VAC14: variants seen among roughly 807,000 people sequenced by gnomAD.
The protein encoded by VAC14 is VAC14 component of PIKFYVE complex.
A neutral mutation model predicts 85.3 loss-of-function variants in VAC14; 47 were observed. The ratio of observed to expected loss-of-function variants is 0.55; its 90% CI spans 0.44 to 0.70. The LOEUF is 0.70. Among genes scored for constraint, VAC14 ranks in the 30% least tolerant of loss-of-function variants. VAC14 has a pLI of 0.00. For missense variants in VAC14, 861 were observed against 1,004.3 expected, an observed-to-expected ratio of 0.86 and a Z score of 1.93; for synonymous variants, 447 against 430.5, an observed-to-expected ratio of 1.04 and a Z score of -0.47.
chr16:70,735,785 G>A (rs2054731848), intron 13 of VAC14, among the ~76,000 whole-genome samples: 1 of 152,266 alleles, frequency 6.6e-6, no homozygotes, highest in African/African-American at 2.4e-5. Flanking sequence ...ACTGCATTGT[G>A]CTGGGTCCCT....
chr16:70,766,550 G>T (rs1190325336), intron 10 of VAC14: 1 of 456,744 alleles, frequency 2.2e-6, no homozygotes, highest in Non-Finnish European at 4.4e-6. Context: ...GGAACCTCAT[G>T]GTTCAGGTAA....
At chr16:70,745,852 G>C (rs2030840953) in intron 12 of VAC14, among the ~76,000 whole-genome samples, 1 of 152,202 alleles carries the variant, frequency 6.6e-6, no homozygotes, top group East Asian at 1.9e-4. Flanking sequence ...ACCAGGGAAA[G>C]TGGGACAGAG....
chr16:70,783,947 G>A lies in VAC14; in HGVS notation c.594+166C>T, dbSNP rs562863503. Among the ~76,000 whole-genome samples, 256 of 152,340 alleles carry A rather than the reference G, an allele frequency of 1.7e-3. 2 individuals carry two copies. Among genetic ancestry groups the A allele is most frequent in the African/African-American group, 6.0e-3 (248 of 41,574 alleles). ...GATCCCTTCAGGGCCAACATGGTGG[G>A]TTTCGGGGGCAAAGCTGAATAAGGT... is the stretch of plus-strand genomic sequence containing the variant. On this transcript the variant is annotated intron_variant, in intron 5 of 18. Transcript: ENST00000261776.
chr16:70,761,311 A>G (rs1391554377), intron 12 of VAC14: 2 of 297,262 alleles, frequency 6.7e-6, no homozygotes, highest in Non-Finnish European at 1.3e-5. Context: ...CACTCTCTGC[A>G]GTGTGGGCAG....
intron 16 of VAC14, 22 bp downstream of exon 16, chr16:70,697,117 A>G: frequency 6.2e-7 from 1 of 1,600,924 alleles, no homozygotes; most frequent in Non-Finnish European, 8.6e-7. Context: ...CTCAACCCCA[A>G]CCACAGTGAG....
At position 70,717,413 on chromosome 16, in the gene VAC14, C is replaced by T. The variant is rs118069699; in HGVS notation, c.1661+14082G>A. Among the ~76,000 whole-genome samples, 43 of 152,334 alleles carry T rather than the reference C, an allele frequency of 2.8e-4. No individual in the cohort carries two copies. In the East Asian group the frequency reaches 7.1e-3, roughly 25 times the overall value. ...TTCTAGTTTTAAATGAGCCCATCCTCGCCTCTGCCTGCACACTACCTTTAT... is the reference window on the plus strand; with the variant it reads ...TTCTAGTTTTAAATGAGCCCATCCTTGCCTCTGCCTGCACACTACCTTTAT... On this transcript the variant is annotated intron_variant, in intron 14 of 18. Transcript: ENST00000261776.
chr16:70,740,283 A>G (rs1487853467), intron 13 of VAC14, among the ~76,000 whole-genome samples: 3 of 152,216 alleles, frequency 2.0e-5, no homozygotes, highest in African/African-American at 7.2e-5. Context: ...TTATCCCAGC[A>G]GCATTGGGCC....
chr16:70,797,848 G>C (rs567182911), intron 1 of VAC14, among the ~76,000 whole-genome samples: 3 of 152,126 alleles, frequency 2.0e-5, no homozygotes, highest in African/African-American at 7.2e-5. Context: ...TCCTGCTCCC[G>C]CCATGTGGGA....
rs2053520018 is a variant in VAC14, at chr16:70,687,668, T to C, written c.*260A>G. On this transcript the variant is annotated 3_prime_UTR_variant, in exon 19 of 19. Transcript: ENST00000261776. ...GAGGTTGATTCCAGAGGATGAGTGGTCTCTGAGGCTATAGCCCCCCACTGG... is the reference window on the plus strand; with the variant it reads ...GAGGTTGATTCCAGAGGATGAGTGGCCTCTGAGGCTATAGCCCCCCACTGG... The C allele has an allele frequency of 8.1e-6, 3 of 371,352 alleles. No homozygotes were observed. The highest frequency in any genetic ancestry group is 2.3e-4 in the South Asian group (2 of 8,600). The allele number at this position is 371,352 out of a possible 1,614,324, so 23.0% of individuals were successfully genotyped here.
intron 14 of VAC14, among the ~76,000 whole-genome samples, chr16:70,707,424 G>A (rs922838085): frequency 7.9e-5 from 12 of 152,180 alleles, no homozygotes; most frequent in Non-Finnish European, 1.0e-4. Flanking sequence ...ATGGAGGGAG[G>A]AGGGGCACAG....
chr16:70,688,996 CTG>C (rs1382809517), intron 18 of VAC14: 2 of 985,358 alleles, frequency 2.0e-6, no homozygotes, highest in Non-Finnish European at 2.4e-6. Flanking sequence ...CTCAGGAAGA[CTG>C]TGGGCTGCTC....
At chr16:70,780,297 G>C (rs551041320) in intron 9 of VAC14, among the ~76,000 whole-genome samples, 1 of 152,226 alleles carries the variant, frequency 6.6e-6, no homozygotes, top group East Asian at 1.9e-4. Context: ...ATCGAAGCTA[G>C]AGCTTTCTTA....
chr16:70,775,331 C>T (rs1228462885), intron 9 of VAC14, among the ~76,000 whole-genome samples: 1 of 152,256 alleles, frequency 6.6e-6, no homozygotes, highest in Non-Finnish European at 1.5e-5. Flanking sequence ...CCCATCACCG[C>T]TCCCCGGGGT....
chr16:70,729,567 G>C (rs2054529586), intron 14 of VAC14, among the ~76,000 whole-genome samples: 1 of 151,892 alleles, frequency 6.6e-6, no homozygotes, highest in Admixed American at 6.6e-5. Context: ...ACCATCCCCG[G>C]GTCTCACCTC....
intron 16 of VAC14, 121 bp from the exon 17 acceptor site, chr16:70,695,744 G>T (rs546642660): frequency 1.1e-6 from 1 of 910,614 alleles, no homozygotes; most frequent in South Asian, 1.6e-5. Context: ...TGGTGAAGCA[G>T]GATTTGGCGC....
chr16:70,765,405 T>A (rs1251841022), intron 10 of VAC14, among the ~76,000 whole-genome samples: 1 of 152,088 alleles, frequency 6.6e-6, no homozygotes, highest in Non-Finnish European at 1.5e-5. Context: ...CTGGGGGGAA[T>A]AACAGCTCTG....
intron 18 of VAC14, chr16:70,689,504 G>A: frequency 2.0e-6 from 2 of 985,550 alleles, no homozygotes; most frequent in Non-Finnish European, 2.4e-6. Flanking sequence ...CAGGACCAGG[G>A]CAGGGGGACT....
At chr16:70,757,943 G>C (rs1295054292) in intron 12 of VAC14, among the ~76,000 whole-genome samples, 1 of 152,172 alleles carries the variant, frequency 6.6e-6, no homozygotes, top group Non-Finnish European at 1.5e-5. Flanking sequence ...CAGAGCCCAA[G>C]GTGGACTCCT....
chr16:70,766,752 A>C (rs962821446), intron 10 of VAC14, among the ~76,000 whole-genome samples: 1 of 152,094 alleles, frequency 6.6e-6, no homozygotes, highest in African/African-American at 2.4e-5. Context: ...AGGCAGACTG[A>C]TCTTAGTGCC....
Sources: gnomAD v4.1 joint callset for allele counts (sites outside exome capture counted in the v4.1 genomes callset) on GRCh38, gnomAD v4.1.1 for gene constraint, MANE v1.5 for transcripts, NCBI Gene and HGNC (gene_info 2026-07-23, HGNC 2026-07-21) for gene names.